The following GFI1B variants were observed in gnomAD, a reference collection of about 807,000 sequenced individuals.
The protein encoded by GFI1B is zinc finger protein Gfi-1b.
In GFI1B, 20 loss-of-function variants were observed where a neutral mutation model predicts 35.3. The observed-to-expected ratio is 0.57, with a 90% CI of 0.40 to 0.82. The LOEUF is 0.82. Among genes scored for constraint, GFI1B ranks in the 40% least tolerant of loss-of-function variants. The pLI is 0.00. For synonymous variants in GFI1B, 178 were observed against 177.6 expected, an observed-to-expected ratio of 1.00 and a Z score of -0.02; for missense variants, 430 against 446.3, an observed-to-expected ratio of 0.96 and a Z score of 0.33.
Position 132,991,466 on chromosome 9 carries a change from G to A in GFI1B, c.*416G>A, listed in dbSNP as rs1849290697. 4.7e-6 allele frequency: 1 copy of A among 213,104 alleles called. No individual in the cohort carries two copies. Among genetic ancestry groups the A allele is most frequent in the Non-Finnish European group, 9.7e-6 (1 of 103,192 alleles). The allele number at this position is 213,104 out of a possible 1,614,324, so 13.2% of individuals were successfully genotyped here. A position where few individuals can be genotyped will look rare whatever the true frequency, so the allele number is the denominator to read the frequency against. On this transcript the variant is annotated 3_prime_UTR_variant, in exon 7 of 7. Transcript: ENST00000372122. The stretch of plus-strand genomic sequence containing the variant: ...TTGGATTTTAGCCGGCCTCTTTCTG[G>A]CTATAACAGGCAGAGTCGGAGCTGC...
At chr9:132,951,002 TAA>T (rs1848193344) in intron 1 of GFI1B, among the ~76,000 whole-genome samples, 1 of 151,950 alleles carries the variant, frequency 6.6e-6, no homozygotes, top group African/African-American at 2.4e-5. Flanking sequence ...CACACCCAGC[TAA>T]TTATTTTATT....
At chr9:132,973,529 G>T (rs549814280) in intron 2 of GFI1B, among the ~76,000 whole-genome samples, 1 of 152,162 alleles carries the variant, frequency 6.6e-6, no homozygotes, top group East Asian at 1.9e-4. Context: ...ATGAGTAACC[G>T]AGCAAGACAG....
At chr9:132,953,535 T>C (rs931893213) in intron 1 of GFI1B, 16 of 152,500 alleles carry the variant, frequency 1.0e-4, no homozygotes, top group African/African-American at 3.4e-4. Flanking sequence ...GTACCTGTAG[T>C]CCCAGCTACT....
At chr9:132,975,714 A>C (rs773464842), upstream of GFI1B, among the ~76,000 whole-genome samples, 10 of 152,220 alleles carry the variant, frequency 6.6e-5, no homozygotes, top group Non-Finnish European at 1.3e-4. Context: ...GAGCTGATAC[A>C]CGAAAGGTAC....
At chr9:132,987,141 C>T (rs548323942) in intron 2 of GFI1B, 141 bp from the exon 3 acceptor site, 17 of 948,544 alleles carry the variant, frequency 1.8e-5, no homozygotes, top group South Asian at 7.0e-5. Context: ...GGGCAGAGCC[C>T]GGGAGTGTGA....
At position 132,981,206 on chromosome 9, in the gene GFI1B, A is replaced by G. The variant is rs536707917; in HGVS notation, c.-21+2365A>G. Among the ~76,000 whole-genome samples the G allele has an allele frequency of 3.9e-5, 6 of 152,244 alleles. No individual in the cohort carries two copies. The East Asian group carries it at 1.2e-3, about 29-fold the overall frequency. On this transcript the variant is annotated intron_variant, in intron 1 of 6. Coordinates refer to ENST00000372122, the MANE Select transcript of GFI1B (RefSeq NM_001377304.1). ...GCCACTAAGTCTGGCCATAGACCAC[A>G]TGTTGTTTGGACATTCATCTGCCAT...
intron 1 of GFI1B, chr9:132,953,282 A>G (rs914713338): frequency 4.6e-5 from 7 of 152,222 alleles, no homozygotes; most frequent in African/African-American, 1.4e-4. Flanking sequence ...AGGATTTAAA[A>G]TATGAATCTT....
Position 132,989,106 on chromosome 9 carries a change from C to T in GFI1B, c.556C>T (p.His186Tyr). The part of the protein sequence containing the change: ...HGLEVHVRRS[H>Y]SGTRPFACDI... ...GCTCGAAGTGCATGTGCGACGCTCC[C>T]ATAGTGGGACCCGGCCCTTCGCCTG... Residue 186 changes from histidine (H) to tyrosine (Y), a missense_variant, in exon 5 of 7, where the codon CAT (histidine) becomes TAT (tyrosine). Transcript: ENST00000372122. This position sits in a 1 kb window ranked among gnomAD's most constrained non-coding sequence, Gnocchi z 6.2. 1 of 1,613,996 alleles carries T rather than the reference C, an allele frequency of 6.2e-7. No individual in the cohort carries two copies. Among genetic ancestry groups the T allele is most frequent in the Non-Finnish European group, 8.5e-7 (1 of 1,179,840 alleles).
chr9:132,987,758 T>C (rs1045972479), intron 3 of GFI1B, among the ~76,000 whole-genome samples: 1 of 152,090 alleles, frequency 6.6e-6, no homozygotes, highest in African/African-American at 2.4e-5. Flanking sequence ...AGTATCTGGG[T>C]TGACACCCTG....
intron 1 of GFI1B, among the ~76,000 whole-genome samples, chr9:132,984,805 C>T (rs554005980): frequency 3.9e-5 from 6 of 152,264 alleles, no homozygotes; most frequent in South Asian, 2.1e-4. Context: ...ACTCTTGATG[C>T]CCCCAGGCTC....
At chr9:132,956,599 G>A (rs1218051220) in intron 1 of GFI1B, among the ~76,000 whole-genome samples, 2 of 152,190 alleles carry the variant, frequency 1.3e-5, no homozygotes, top group African/African-American at 4.8e-5. Flanking sequence ...ACCACCTGTT[G>A]CTGGATCCAT....
intron 6 of GFI1B, 41 bp from the exon 7 acceptor site, chr9:132,990,831 C>T: frequency 6.2e-7 from 1 of 1,606,766 alleles, no homozygotes; most frequent in Non-Finnish European, 8.5e-7. Flanking sequence ...GTGAGGAGGC[C>T]CTGACCCCGC....
intron 1 of GFI1B, among the ~76,000 whole-genome samples, chr9:132,950,952 C>T (rs1474641899): frequency 3.3e-5 from 5 of 152,022 alleles, no homozygotes; most frequent in Non-Finnish European, 7.4e-5. Flanking sequence ...ATCCTCCTGC[C>T]TTAGCCTCCT....
chr9:132,959,136 A>C (rs1371429316), intron 1 of GFI1B, among the ~76,000 whole-genome samples: 1 of 152,102 alleles, frequency 6.6e-6, no homozygotes, highest in Non-Finnish European at 1.5e-5. Flanking sequence ...TCCCCACCCA[A>C]ATCTCATCTT....
rs4962034 is a variant in GFI1B, at chr9:132,991,261, C to G, written c.*211C>G. On this transcript the variant is annotated 3_prime_UTR_variant, in exon 7 of 7. Transcript: ENST00000372122. ...TTTCTCCTGCTGCCAAGTGTGGGAGCCTGGCTGGGTCTTTCTCAGCAGAAG... is the reference window on the plus strand; with the variant it reads ...TTTCTCCTGCTGCCAAGTGTGGGAGGCTGGCTGGGTCTTTCTCAGCAGAAG... The G allele has an allele frequency of 0.54, 325,906 of 598,464 alleles. 93,611 individuals carry two copies. Among genetic ancestry groups the G allele is most frequent in the Admixed American group, 0.64 (22,679 of 35,558 alleles). 37.1% of individuals were successfully genotyped at this position (598,464 alleles called of 1,614,324 possible). A position where few individuals can be genotyped will look rare whatever the true frequency, so the allele number is the denominator to read the frequency against.
chr9:132,967,464 T>C lies in GFI1B; in HGVS notation c.-700-5261T>C, dbSNP rs551318446. Among the ~76,000 whole-genome samples the C allele has an allele frequency of 1.6e-4, 24 of 152,216 alleles. No homozygotes were observed. In the South Asian group the frequency reaches 4.8e-3, roughly 30 times the overall value. ...GAAAGGGGCAGGGGGTGCTCTTCCA[T>C]CATAAAGGAAGCTAAAGACATAATA... On this transcript the variant is annotated intron_variant, in intron 1 of 10. Coordinates refer to the GFI1B transcript ENST00000339463.
intron 2 of GFI1B, among the ~76,000 whole-genome samples, chr9:132,973,208 A>G (rs1309991950): frequency 2.6e-5 from 4 of 152,232 alleles, no homozygotes; most frequent in East Asian, 1.9e-4. Flanking sequence ...AAGCTGCCCA[A>G]GTTCACACAG....
rs373164045 is a variant in GFI1B at position 132,988,477 on chromosome 9, C to T, written c.510+9C>T. The T allele has an allele frequency of 1.5e-5, 24 of 1,612,080 alleles. No individual in the cohort carries two copies. The highest frequency in any genetic ancestry group is 2.2e-5 in the East Asian group (1 of 44,882). ...GTGTGAAGTGCAACAAGGTGGGCAG[C>T]GGGGGGTGTGGTGGGCACCTGGGCC... On this transcript the variant is annotated intron_variant, in intron 4 of 6. Transcript: ENST00000372122.
intron 1 of GFI1B, among the ~76,000 whole-genome samples, chr9:132,969,992 G>T (rs1238589463): frequency 6.6e-6 from 1 of 152,088 alleles, no homozygotes; most frequent in Non-Finnish European, 1.5e-5. Flanking sequence ...CTGCTGGAGG[G>T]CTCCCTGGTG....
Sources: gnomAD v4.1 joint callset for allele counts (sites outside exome capture counted in the v4.1 genomes callset) on GRCh38, gnomAD v4.1.1 for gene constraint, Gnocchi (gnomAD v3.1) non-coding constraint, MANE v1.5 for transcripts, NCBI Gene and HGNC (gene_info 2026-07-23, HGNC 2026-07-21) for gene names.